Variants in PXYLP1 observed in about 807,000 individuals in gnomAD.
PXYLP1 encodes 2-phosphoxylose phosphatase 1.
Under a neutral mutation model 37.9 loss-of-function variants are expected in PXYLP1, and 17 were observed. The observed-to-expected ratio is 0.45, with a 90% confidence interval of 0.31 to 0.67. The LOEUF is 0.67. Among genes scored for constraint, PXYLP1 ranks in the 30% least tolerant of loss-of-function variants. PXYLP1 has a pLI of 0.07. For synonymous variants in PXYLP1, 221 were observed against 232.2 expected (o/e 0.95, Z 0.44); for missense variants, 511 against 612.0 (o/e 0.84, Z 1.74).
At chr3:141,246,062 C>G (rs916741606) in intron 1 of PXYLP1, among the ~76,000 whole-genome samples, 7 of 152,180 alleles carry the variant, frequency 4.6e-5, no homozygotes, top group African/African-American at 1.4e-4. Context: ...GACACCTAGC[C>G]TTTTGGGTCG....
intron 2 of PXYLP1, among the ~76,000 whole-genome samples, chr3:141,261,312 C>T (rs1941390975): frequency 6.6e-6 from 1 of 152,180 alleles, no homozygotes; most frequent in Non-Finnish European, 1.5e-5. Flanking sequence ...CACCACCACA[C>T]CTAGCTAATT....
chr3:141,271,943 G>C (rs1941673240), intron 2 of PXYLP1, among the ~76,000 whole-genome samples: 1 of 152,246 alleles, frequency 6.6e-6, no homozygotes, highest in African/African-American at 2.4e-5. Flanking sequence ...GCCACAGAAG[G>C]AAGTGGGGAG....
At chr3:141,254,204 C>T (rs746514262) in intron 1 of PXYLP1, among the ~76,000 whole-genome samples, 7 of 152,198 alleles carry the variant, frequency 4.6e-5, no homozygotes, top group African/African-American at 9.7e-5. Context: ...TGAGCTACCA[C>T]GCCCGGCCCC....
chr3:141,257,097 C>T (rs991724627), intron 1 of PXYLP1, among the ~76,000 whole-genome samples: 2 of 152,194 alleles, frequency 1.3e-5, no homozygotes, highest in Non-Finnish European at 2.9e-5. Flanking sequence ...ATTTTCATGT[C>T]GTGCCTACAG....
At chr3:141,265,174 C>G (rs935165155) in intron 2 of PXYLP1, among the ~76,000 whole-genome samples, 13 of 152,136 alleles carry the variant, frequency 8.5e-5, no homozygotes, top group Non-Finnish European at 1.5e-4. Flanking sequence ...AAGTCTGGGA[C>G]CTACCTCCTA....
intron 5 of PXYLP1, among the ~76,000 whole-genome samples, chr3:141,288,368 T>C (rs545210836): frequency 1.3e-5 from 2 of 152,278 alleles, no homozygotes; most frequent in African/African-American, 4.8e-5. Context: ...TAGGCCCTCT[T>C]AGGTTTTGCC....
intron 1 of PXYLP1, among the ~76,000 whole-genome samples, chr3:141,256,478 C>T (rs1458887428): frequency 3.3e-5 from 5 of 152,134 alleles, no homozygotes; most frequent in East Asian, 1.9e-4. Context: ...AGCAGAACTA[C>T]GCACTCCACT....
At position 141,278,494 on chromosome 3, in the gene PXYLP1, A is replaced by G. The variant is rs144430471; in HGVS notation, c.232A>G (p.Met78Val). 6.2e-6 allele frequency: 10 copies of G among 1,614,044 alleles called. No homozygotes were observed. Among genetic ancestry groups the G allele is most frequent in the African/African-American group, 1.3e-5 (1 of 74,928 alleles). The change falls in exon 3 of 6, where the codon ATG becomes GTG. Residue 78 changes from methionine (M) to valine (V), a missense_variant. Coordinates refer to ENST00000286353, the MANE Select transcript of PXYLP1 (RefSeq NM_001037172.3). Reference sequence around the variant, plus strand: ...CATCCCCAGCGTGGCCGAGCGCAGCATGGAAGGTAGGCCTGACTGTGCCAC... The same window carrying G: ...CATCCCCAGCGTGGCCGAGCGCAGCGTGGAAGGTAGGCCTGACTGTGCCAC... ...CNIPSVAERS[M>V]EGHAPHHFKL...
intron 2 of PXYLP1, chr3:141,262,188 G>T (rs906663211): frequency 2.7e-6 from 2 of 736,724 alleles, no homozygotes; most frequent in African/African-American, 1.9e-5. Flanking sequence ...ACATGCATAT[G>T]ACAGCCTATT....
chr3:141,294,126 G>A lies in PXYLP1; in HGVS notation c.*921G>A, dbSNP rs1345108636. 1 of 152,206 alleles carries A rather than the reference G, an allele frequency of 6.6e-6. No homozygotes were observed. The highest frequency in any genetic ancestry group is 2.4e-5 in the African/African-American group (1 of 41,442). The allele number at this position is 152,206 out of a possible 1,614,324, so 9.4% of individuals were successfully genotyped here. On this transcript the variant is annotated 3_prime_UTR_variant, in exon 6 of 6. Coordinates refer to ENST00000286353, the MANE Select transcript of PXYLP1 (RefSeq NM_001037172.3). The stretch of plus-strand genomic sequence containing the variant: ...AATATTTGTCTGCTGTAGTCTATTT[G>A]CTGTATATGCTGAAATTTTTGTATG...
chr3:141,289,440 A>G (rs1942152121), intron 5 of PXYLP1, among the ~76,000 whole-genome samples: 1 of 152,050 alleles, frequency 6.6e-6, no homozygotes, highest in Non-Finnish European at 1.5e-5. Context: ...GCCTTTCCCC[A>G]TACTATTGTG....
rs1333009822 is a variant in PXYLP1, at chr3:141,248,604, T to C, written c.-53-11519T>C. On this transcript the variant is annotated intron_variant, in intron 1 of 5. Transcript: ENST00000286353. ...GTATATATACACACACGTGTATATA[T>C]ACACACGTATATATACACACACGTA... is the stretch of plus-strand genomic sequence containing the variant. 2.5e-5 allele frequency among the ~76,000 whole-genome samples: 3 copies of C among 121,838 alleles called. 1 individual carries two copies. Among genetic ancestry groups the C allele is most frequent in the Admixed American group, 1.7e-4 (2 of 11,720 alleles). 79.9% of individuals were successfully genotyped at this position (121,838 alleles called of 152,430 possible).
In PXYLP1 at chr3:141,293,244, C is replaced by T. The variant is rs762139294; in HGVS notation, c.*39C>T. On this transcript the variant is annotated 3_prime_UTR_variant, in exon 6 of 6. Coordinates refer to ENST00000286353, the MANE Select transcript of PXYLP1 (RefSeq NM_001037172.3). ...CAGCAGTATAGAATCCATGCCAATA[C>T]AGAGCATAGGGAAAGGTCCACTTCT... 1 of 1,558,920 alleles carries T rather than the reference C, an allele frequency of 6.4e-7. No individual in the cohort carries two copies. The highest frequency in any genetic ancestry group is 8.7e-7 in the Non-Finnish European group (1 of 1,147,472).
chr3:141,242,806 C>T (rs1389995623), intron 1 of PXYLP1, among the ~76,000 whole-genome samples: 1 of 152,116 alleles, frequency 6.6e-6, no homozygotes, highest in African/African-American at 2.4e-5. Context: ...TCATCTAATC[C>T]CCTCCATGCC....
intron 1 of PXYLP1, among the ~76,000 whole-genome samples, chr3:141,236,876 T>A (rs1032892319): frequency 6.6e-6 from 1 of 152,172 alleles, no homozygotes; most frequent in Admixed American, 6.5e-5. Context: ...AACATAGATA[T>A]AAATATGAAC....
At chr3:141,251,226 C>A (rs544671966) in intron 1 of PXYLP1, among the ~76,000 whole-genome samples, 1 of 152,338 alleles carries the variant, frequency 6.6e-6, no homozygotes, top group Admixed American at 6.5e-5. Flanking sequence ...GGAAGGCAAT[C>A]AAGGAATGGG....
At chr3:141,268,904 C>G (rs1323637392) in intron 2 of PXYLP1, among the ~76,000 whole-genome samples, 1 of 152,230 alleles carries the variant, frequency 6.6e-6, no homozygotes, top group Non-Finnish European at 1.5e-5. Flanking sequence ...GCTTCAGCAT[C>G]ACATCTTGCC....
chr3:141,275,018 TCTC>T (rs1941759341), intron 2 of PXYLP1, among the ~76,000 whole-genome samples: 1 of 152,132 alleles, frequency 6.6e-6, no homozygotes, highest in Non-Finnish European at 1.5e-5. Context: ...TGGGGAGACT[TCTC>T]CTCACAGCTT....
chr3:141,291,918 CA>C (rs1432791553), intron 5 of PXYLP1, among the ~76,000 whole-genome samples: 1 of 152,218 alleles, frequency 6.6e-6, no homozygotes, highest in Non-Finnish European at 1.5e-5. Context: ...TAGGCCCATG[CA>C]ATTACAGATA....
Sources: gnomAD v4.1 joint callset for allele counts (sites outside exome capture counted in the v4.1 genomes callset) on GRCh38, gnomAD v4.1.1 for gene constraint, MANE v1.5 for transcripts, NCBI Gene and HGNC (gene_info 2026-07-23, HGNC 2026-07-21) for gene names.